Variants in CDK14 observed in about 807,000 individuals in gnomAD.
CDK14 encodes the protein cyclin dependent kinase 14, also known as cyclin-dependent kinase 14.
In CDK14, 34 loss-of-function variants were observed where a neutral mutation model predicts 60.7. The ratio of observed to expected loss-of-function variants is 0.56; its 90% CI spans 0.43 to 0.75. The LOEUF is 0.75. CDK14 is among the 30% of genes least tolerant of loss of function. The pLI is 0.00. For missense variants in CDK14, 482 were observed against 564.1 expected (o/e 0.85, Z 1.47); for synonymous variants, 197 against 203.7 (o/e 0.97, Z 0.28).
At chr7:90,658,974 GATA>G (rs1800808789) in intron 2 of CDK14, among the ~76,000 whole-genome samples, 1 of 152,126 alleles carries the variant, frequency 6.6e-6, no homozygotes, top group South Asian at 2.1e-4. Flanking sequence ...GATTCAGGAT[GATA>G]ATAATTAAAG....
rs745589750 is a variant in CDK14, at chr7:90,701,364, G to C, written c.124-25203G>C. Among the ~76,000 whole-genome samples, 24 of 152,276 alleles carry C rather than the reference G, an allele frequency of 1.6e-4. No individual in the cohort carries two copies. In the Middle Eastern group the frequency reaches 0.014, roughly 86 times the overall value. ...AGCATTCAGGCTTCCTGCAAGTTCAGATAACTGATTAGTAGCTAATGTTCT... is the reference window on the plus strand; with the variant it reads ...AGCATTCAGGCTTCCTGCAAGTTCACATAACTGATTAGTAGCTAATGTTCT... On this transcript the variant is annotated intron_variant, in intron 2 of 14. Coordinates refer to ENST00000380050, the MANE Select transcript of CDK14 (RefSeq NM_001287135.2).
rs10258002 is a variant in CDK14, at chr7:91,035,944, C to T, written c.1042-9953C>T. On this transcript the variant is annotated intron_variant, in intron 10 of 14. Transcript: ENST00000380050. Reference sequence around the variant, plus strand: ...CTGCAAGCTCTGCTTCCCGGGTTCACGCCATTCTCCTGCCTCAGCCTCCCG... The same window carrying T: ...CTGCAAGCTCTGCTTCCCGGGTTCATGCCATTCTCCTGCCTCAGCCTCCCG... 6.9e-3 allele frequency among the ~76,000 whole-genome samples: 1,032 copies of T among 148,976 alleles called. 14 individuals carry two copies. The highest frequency in any genetic ancestry group is 0.024 in the African/African-American group (981 of 40,648).
chr7:90,596,913 A>T (rs1348444397), intron 1 of CDK14, among the ~76,000 whole-genome samples, 195 bp downstream of exon 1: 1 of 152,098 alleles, frequency 6.6e-6, no homozygotes, highest in African/African-American at 2.4e-5. Context: ...CTTCCTCAGG[A>T]TCTGGGGGTT....
chr7:90,709,772 T>G (rs1801994066), intron 2 of CDK14: 1 of 988,088 alleles, frequency 1.0e-6, no homozygotes, highest in Non-Finnish European at 1.3e-6. Context: ...TTTCTGGGCT[T>G]TTTTTTTTTT....
chr7:90,927,073 C>T (rs1793440271), intron 8 of CDK14, among the ~76,000 whole-genome samples: 1 of 152,214 alleles, frequency 6.6e-6, no homozygotes, highest in African/African-American at 2.4e-5. Context: ...AGTGTGTCCA[C>T]AACCCAGAAG....
At chr7:90,807,769 A>T (rs112743842) in intron 5 of CDK14, among the ~76,000 whole-genome samples, 22,538 of 152,272 alleles carry the variant, frequency 0.15, 1,821 homozygotes, top group Middle Eastern at 0.25. Context: ...GAAGTCTTTA[A>T]AGGACCTGAT....
chr7:90,643,585 A>C (rs933799903), intron 2 of CDK14, among the ~76,000 whole-genome samples: 6 of 152,198 alleles, frequency 3.9e-5, no homozygotes, highest in Admixed American at 1.3e-4. Flanking sequence ...GAAGAGTTGT[A>C]AAATATATGT....
chr7:90,856,534 C>T (rs1348071849), intron 5 of CDK14, among the ~76,000 whole-genome samples: 1 of 152,168 alleles, frequency 6.6e-6, no homozygotes, highest in African/African-American at 2.4e-5. Flanking sequence ...ACCATGAATG[C>T]ACTAACCCGG....
Position 90,616,095 on chromosome 7 carries a change from A to C in CDK14, c.123+11846A>C, listed in dbSNP as rs537657244. Among the ~76,000 whole-genome samples, 22 of 152,300 alleles carry C rather than the reference A, an allele frequency of 1.4e-4. 1 individual carries two copies. The highest frequency in any genetic ancestry group is 5.1e-4 in the African/African-American group (21 of 41,566). ...GATAATGCTTTCTGATTTTTGATTCAGAAAATATAGTCTTCTTAGTCCTAA... is the reference window on the plus strand; with the variant it reads ...GATAATGCTTTCTGATTTTTGATTCCGAAAATATAGTCTTCTTAGTCCTAA... On this transcript the variant is annotated intron_variant, in intron 2 of 14. Coordinates refer to ENST00000380050, the MANE Select transcript of CDK14 (RefSeq NM_001287135.2).
chr7:90,951,580 T>C (rs1341704218), intron 8 of CDK14, among the ~76,000 whole-genome samples: 1 of 152,116 alleles, frequency 6.6e-6, no homozygotes, highest in African/African-American at 2.4e-5. Flanking sequence ...ATTTTCTCCA[T>C]AGAGTTAAAG....
chr7:91,204,436 C>T (rs527334339), intron 14 of CDK14, among the ~76,000 whole-genome samples: 186 of 151,962 alleles, frequency 1.2e-3, no homozygotes, highest in African/African-American at 4.3e-3. Flanking sequence ...TTGCACTTTG[C>T]CAAAATTAAA....
chr7:90,639,194 G>T (rs1313668141), intron 2 of CDK14, among the ~76,000 whole-genome samples: 1 of 152,172 alleles, frequency 6.6e-6, no homozygotes, highest in African/African-American at 2.4e-5. Flanking sequence ...TCCTTTGGAG[G>T]AGGAGAGGTG....
At chr7:90,758,629 G>T (rs564977641) in intron 4 of CDK14, among the ~76,000 whole-genome samples, 1 of 152,230 alleles carries the variant, frequency 6.6e-6, no homozygotes, top group East Asian at 1.9e-4. Context: ...TATGCTGTCG[G>T]TGAAAAAGAG....
chr7:90,754,398 A>G (rs1426581553), intron 4 of CDK14, among the ~76,000 whole-genome samples: 2 of 152,196 alleles, frequency 1.3e-5, no homozygotes, highest in Non-Finnish European at 2.9e-5. Context: ...CCTATTTAAT[A>G]AATGTTTCTT....
At chr7:90,963,086 A>AGAGTGTGTGTGTGTGTGT (rs146903374) in intron 9 of CDK14, among the ~76,000 whole-genome samples, 82 of 142,178 alleles carry the variant, frequency 5.8e-4, no homozygotes, top group South Asian at 3.8e-3. Flanking sequence ...TCATCTTAAG[A>AGAGTGTGTGTGTGTGTGT]GTGTGTGTGT....
chr7:91,193,752 C>G (rs1204713097), intron 14 of CDK14, among the ~76,000 whole-genome samples: 1 of 151,776 alleles, frequency 6.6e-6, no homozygotes, highest in African/African-American at 2.4e-5. Flanking sequence ...ACAGTATATA[C>G]AGTACTATAT....
intron 2 of CDK14, among the ~76,000 whole-genome samples, chr7:90,640,658 A>T (rs1390535277): frequency 6.6e-6 from 1 of 152,110 alleles, no homozygotes; most frequent in Non-Finnish European, 1.5e-5. Context: ...AAAGAATAAT[A>T]TTAAGAAAGT....
chr7:90,818,174 G>T (rs1037214171), intron 5 of CDK14, among the ~76,000 whole-genome samples: 3 of 152,160 alleles, frequency 2.0e-5, no homozygotes, highest in Non-Finnish European at 2.9e-5. Flanking sequence ...GTCCTCTCTA[G>T]CATAACTGTG....
chr7:90,990,940 C>G (rs569247420), intron 10 of CDK14, among the ~76,000 whole-genome samples: 1 of 152,134 alleles, frequency 6.6e-6, no homozygotes, highest in African/African-American at 2.4e-5. Context: ...TGGTGGTAAA[C>G]CAACAAACAT....
Sources: gnomAD v4.1 joint callset for allele counts (sites outside exome capture counted in the v4.1 genomes callset) on GRCh38, gnomAD v4.1.1 for gene constraint, MANE v1.5 for transcripts, NCBI Gene and HGNC (gene_info 2026-07-23, HGNC 2026-07-21) for gene names.